The following KIAA0513 variants were observed in gnomAD, a reference collection of about 807,000 sequenced individuals.
The protein encoded by KIAA0513 is KIAA0513, also known as uncharacterized protein KIAA0513.
A neutral mutation model predicts 56.5 loss-of-function variants in KIAA0513; 39 were observed. The observed-to-expected ratio is 0.69, with a 90% CI of 0.53 to 0.90. The LOEUF is 0.90. Ranked by LOEUF, KIAA0513 falls within the 40% of genes least tolerant of loss-of-function variation. The pLI is 0.00. For synonymous variants in KIAA0513, 268 were observed against 215.6 expected (o/e 1.24, Z -2.13); for missense variants, 591 against 535.2 (o/e 1.10, Z -1.03).
At chr16:85,033,573 C>T (rs2072995827) in intron 1 of KIAA0513, among the ~76,000 whole-genome samples, 1 of 152,080 alleles carries the variant, frequency 6.6e-6, no homozygotes, top group African/African-American at 2.4e-5. Context: ...TTCACGAAGG[C>T]CTCCAGAGCT....
rs376046788 is a variant in KIAA0513, at chr16:85,088,245, A to G, written c.1187-31A>G. 6.2e-6 allele frequency: 10 copies of G among 1,605,640 alleles called. No homozygotes were observed. In the East Asian group the frequency reaches 8.9e-5, roughly 14 times the overall value. On this transcript the variant is annotated intron_variant, in intron 12 of 12. Transcript: ENST00000683363. ...ATACCTGTCCCTGTCACTGTCTTTC[A>G]TCTGAGAAATAACATCACTTTCTCT...
At chr16:85,080,351 C>G (rs2073725035) in intron 8 of KIAA0513, among the ~76,000 whole-genome samples, 1 of 152,198 alleles carries the variant, frequency 6.6e-6, no homozygotes, top group African/African-American at 2.4e-5. Context: ...TGCAGCCACA[C>G]CACTATGCTG....
chr16:85,049,852 A>G (rs958497926), intron 1 of KIAA0513, among the ~76,000 whole-genome samples: 4 of 152,184 alleles, frequency 2.6e-5, no homozygotes, highest in African/African-American at 9.7e-5. Flanking sequence ...TGCATCTCTT[A>G]GGGAGCCTCT....
chr16:85,054,944 G>T (rs2143943193), intron 1 of KIAA0513, among the ~76,000 whole-genome samples: 1 of 152,052 alleles, frequency 6.6e-6, no homozygotes, highest in South Asian at 2.1e-4. Context: ...TATTTTTGAG[G>T]CAGGGTCTCT....
At chr16:85,085,805 C>T (rs1430355279) in intron 10 of KIAA0513, among the ~76,000 whole-genome samples, 3 of 152,234 alleles carry the variant, frequency 2.0e-5, no homozygotes, top group South Asian at 2.1e-4. Context: ...AGGCCTTGTG[C>T]GGAGAACGCA....
At chr16:85,046,931 A>T (rs914072212) in intron 1 of KIAA0513, among the ~76,000 whole-genome samples, 2 of 152,162 alleles carry the variant, frequency 1.3e-5, no homozygotes, top group African/African-American at 4.8e-5. Flanking sequence ...GTTAGCTCAG[A>T]TAAGATGTTG....
chr16:85,067,053 C>A lies in KIAA0513; in HGVS notation c.-19C>A, dbSNP rs201884252. 35 of 1,527,446 alleles carry A rather than the reference C, an allele frequency of 2.3e-5. No homozygotes were observed. Among genetic ancestry groups the A allele is most frequent in the Non-Finnish European group, 2.6e-5 (30 of 1,138,114 alleles). 94.6% of individuals were successfully genotyped at this position (1,527,446 alleles called of 1,614,324 possible). A position where few individuals can be genotyped will look rare whatever the true frequency, so the allele number is the denominator to read the frequency against. ...GCAGCCTCCCCTCCAGGCAGCCTCA[C>A]CAGCAGCTCCCCTGAGCCATGGAGA... is the stretch of plus-strand genomic sequence containing the variant. On this transcript the variant is annotated 5_prime_UTR_variant, in exon 2 of 13. Coordinates refer to ENST00000683363, the MANE Select transcript of KIAA0513 (RefSeq NM_001388359.1).
At position 85,033,973 on chromosome 16, in the gene KIAA0513, C is replaced by T. The variant is rs558722891; in HGVS notation, c.-173+6115C>T. 2.6e-5 allele frequency among the ~76,000 whole-genome samples: 4 copies of T among 152,168 alleles called. No individual in the cohort carries two copies. In the South Asian group the frequency reaches 8.3e-4, roughly 32 times the overall value. ...AGTGTCCTTTTAATGTCCCCAATTA[C>T]CATCATCCCCCTCACCCCGTGGGCC... On this transcript the variant is annotated intron_variant, in intron 1 of 12. Transcript: ENST00000683363.
At chr16:85,080,474 G>A (rs1444068925) in intron 8 of KIAA0513, among the ~76,000 whole-genome samples, 6 of 152,100 alleles carry the variant, frequency 3.9e-5, no homozygotes, top group African/African-American at 2.4e-5. Context: ...ACACACCATC[G>A]TTTGCCAACC....
chr16:85,042,532 G>C (rs1194773009), intron 1 of KIAA0513, among the ~76,000 whole-genome samples: 2 of 152,096 alleles, frequency 1.3e-5, no homozygotes, highest in Non-Finnish European at 2.9e-5. Context: ...GTAGCCTTAG[G>C]CAACTGTTTA....
chr16:85,054,823 G>C (rs2073305463), intron 1 of KIAA0513, among the ~76,000 whole-genome samples: 1 of 152,134 alleles, frequency 6.6e-6, no homozygotes, highest in African/African-American at 2.4e-5. Context: ...GCCTAAAGGG[G>C]ATGGCAATGT....
intron 1 of KIAA0513, among the ~76,000 whole-genome samples, chr16:85,042,284 C>G (rs1273909999): frequency 5.3e-5 from 8 of 152,186 alleles, no homozygotes; most frequent in Admixed American, 5.2e-4. Flanking sequence ...TATCAAATTG[C>G]TAATCACGTG....
chr16:85,038,277 C>G (rs1359778567), intron 1 of KIAA0513, among the ~76,000 whole-genome samples: 2 of 152,240 alleles, frequency 1.3e-5, no homozygotes, highest in South Asian at 2.1e-4. Flanking sequence ...CCCGCTTTCT[C>G]CGGCTGAAGG....
rs1473403966 is a variant in KIAA0513 at position 85,078,002 on chromosome 16, G to A, written c.782+370G>A. Among the ~76,000 whole-genome samples, 3 of 152,288 alleles carry A rather than the reference G, an allele frequency of 2.0e-5. No homozygotes were observed. The East Asian group carries it at 5.8e-4, about 29-fold the overall frequency. ...CGCAGGAGAAAAAACACTGTCCCCA[G>A]GAGAGCAGGGCTCTGACAGACACTC... On this transcript the variant is annotated intron_variant, in intron 6 of 12. Coordinates refer to ENST00000683363, the MANE Select transcript of KIAA0513 (RefSeq NM_001388359.1).
At chr16:85,071,698 C>T (rs1410581907) in intron 2 of KIAA0513, 85 bp from the exon 3 acceptor site, 5 of 1,117,770 alleles carry the variant, frequency 4.5e-6, no homozygotes, top group Non-Finnish European at 6.4e-6. Context: ...TTCGTTAGTT[C>T]CTTCTCCTTG....
At position 85,094,003 on chromosome 16, in the gene KIAA0513, A is replaced by G. The variant is rs894954216; in HGVS notation, c.*5678A>G. 6.6e-6 allele frequency: 1 copy of G among 152,276 alleles called. No individual in the cohort carries two copies. Among genetic ancestry groups the G allele is most frequent in the East Asian group, 1.9e-4 (1 of 5,180 alleles). 9.4% of individuals were successfully genotyped at this position (152,276 alleles called of 1,614,324 possible). A position where few individuals can be genotyped will look rare whatever the true frequency, so the allele number is the denominator to read the frequency against. On this transcript the variant is annotated 3_prime_UTR_variant, in exon 13 of 13. Coordinates refer to ENST00000683363, the MANE Select transcript of KIAA0513 (RefSeq NM_001388359.1). ...GACATTACCTTGTTGGTAGCCCCCA[A>G]GTGGCGTGCAGTGACACCAGTATCT... is the stretch of plus-strand genomic sequence containing the variant.
At chr16:85,043,506 G>A (rs934900957) in intron 1 of KIAA0513, among the ~76,000 whole-genome samples, 1 of 151,070 alleles carries the variant, frequency 6.6e-6, no homozygotes, top group South Asian at 2.1e-4. Context: ...CTGCCTCCTG[G>A]GTTCAAGCAA....
Position 85,081,061 on chromosome 16 carries a change from G to A in KIAA0513, c.903-254G>A, listed in dbSNP as rs544451027. The stretch of plus-strand genomic sequence containing the variant: ...TGCCCTCCTGCCTGCAGCGCAGCCC[G>A]GGTTATCATAGCTTTCCCTCCCACT... On this transcript the variant is annotated intron_variant, in intron 8 of 12. Transcript: ENST00000683363. The surrounding 1 kb of genome is among the most constrained non-coding windows in gnomAD (Gnocchi z 4.4). Among the ~76,000 whole-genome samples the A allele has an allele frequency of 1.3e-5, 2 of 152,314 alleles. No individual in the cohort carries two copies. The highest frequency in any genetic ancestry group is 3.9e-4 in the East Asian group (2 of 5,184).
chr16:85,060,027 C>T (rs1187389297), intron 1 of KIAA0513, among the ~76,000 whole-genome samples: 1 of 152,230 alleles, frequency 6.6e-6, no homozygotes, highest in East Asian at 1.9e-4. Context: ...GTGGCGCTAT[C>T]TTGGCTCACT....
Sources: allele counts gnomAD v4.1 joint callset (sites outside exome capture counted in the v4.1 genomes callset), GRCh38; gene constraint gnomAD v4.1.1; non-coding constraint Gnocchi (gnomAD v3.1); transcripts MANE v1.5; gene names NCBI Gene and HGNC (gene_info 2026-07-23, HGNC 2026-07-21).